SRGAP3: variants seen among roughly 807,000 people sequenced by gnomAD.
The protein encoded by SRGAP3 is SLIT-ROBO Rho GTPase activating protein 3.
SRGAP3 carries 39 observed loss-of-function variants against 121.1 expected under a neutral mutation model. That is an observed-to-expected ratio of 0.32 (90% confidence interval 0.25 to 0.42). The LOEUF is 0.42. Among genes scored for constraint, SRGAP3 ranks in the 10% least tolerant of loss-of-function variants. The probability of loss-of-function intolerance (pLI) is 1.00; values close to 1 mark genes in which losing one functional copy is unlikely to be tolerated. For synonymous variants in SRGAP3, 601 were observed against 570.0 expected (o/e 1.05, Z -0.77); for missense variants, 1,213 against 1,470.6 (o/e 0.82, Z 2.86).
chr3:8,988,920 C>T (rs528202541), intron 21 of SRGAP3, among the ~76,000 whole-genome samples: 79 of 152,156 alleles, frequency 5.2e-4, no homozygotes, highest in Non-Finnish European at 1.0e-3. Flanking sequence ...TGCTGGCTCC[C>T]GCTGCTCACC....
At position 9,249,560 on chromosome 3, in the gene SRGAP3, G is replaced by T. The variant is rs1022076204; in HGVS notation, c.-609C>A. ...TCCCTCCCTTCGGTGCCTCTGGTCTGATGTCCAGTGAGGATCAAAGCCAGG... is the reference window on the plus strand; with the variant it reads ...TCCCTCCCTTCGGTGCCTCTGGTCTTATGTCCAGTGAGGATCAAAGCCAGG... On this transcript the variant is annotated 5_prime_UTR_variant, in exon 1 of 22. Coordinates refer to ENST00000383836, the MANE Select transcript of SRGAP3 (RefSeq NM_014850.4). 4.2e-6 allele frequency: 1 copy of T among 240,366 alleles called. No individual in the cohort carries two copies. 14.9% of individuals were successfully genotyped at this position (240,366 alleles called of 1,614,324 possible).
intron 1 of SRGAP3, among the ~76,000 whole-genome samples, chr3:9,175,876 G>A (rs965648284): frequency 7.2e-5 from 11 of 152,202 alleles, no homozygotes; most frequent in Non-Finnish European, 1.6e-4. Flanking sequence ...ATATCAGACT[G>A]GCAGGGGTTG....
intron 4 of SRGAP3, among the ~76,000 whole-genome samples, chr3:9,066,698 C>T (rs1946450405): frequency 1.3e-5 from 2 of 152,154 alleles, no homozygotes; most frequent in South Asian, 2.1e-4. Flanking sequence ...GGGGTTTCAC[C>T]GTGTTGGTCA....
chr3:9,204,914 G>T (rs937258847), intron 1 of SRGAP3, among the ~76,000 whole-genome samples: 3 of 152,234 alleles, frequency 2.0e-5, no homozygotes, highest in Admixed American at 2.0e-4. Context: ...GTTAAAGGCT[G>T]GACGTTACTG....
At chr3:9,162,735 T>C (rs2668353) in intron 1 of SRGAP3, among the ~76,000 whole-genome samples, 44,837 of 152,016 alleles carry the variant, frequency 0.29, 7,444 homozygotes, top group Non-Finnish European at 0.39. Flanking sequence ...GCAGCATGGC[T>C]GGACCCTGGG....
chr3:9,203,103 G>A (rs1475373237), intron 1 of SRGAP3, among the ~76,000 whole-genome samples: 3 of 152,114 alleles, frequency 2.0e-5, no homozygotes, highest in Admixed American at 6.5e-5. Context: ...TTATTGCACA[G>A]AAGTCTCTGA....
At chr3:9,079,704 G>C (rs766842808) in intron 4 of SRGAP3, among the ~76,000 whole-genome samples, 1 of 152,130 alleles carries the variant, frequency 6.6e-6, no homozygotes. Flanking sequence ...CTGCCTTCAG[G>C]AGCCTTCACA....
chr3:9,231,980 T>C (rs1953227843), intron 1 of SRGAP3, among the ~76,000 whole-genome samples: 1 of 152,170 alleles, frequency 6.6e-6, no homozygotes, highest in Admixed American at 6.5e-5. Flanking sequence ...GGCCACTGCA[T>C]CACGATGGCT....
chr3:9,223,452 T>C (rs940651976), intron 1 of SRGAP3, among the ~76,000 whole-genome samples: 1 of 152,302 alleles, frequency 6.6e-6, no homozygotes, highest in Admixed American at 6.5e-5. Flanking sequence ...CTATGAATCT[T>C]TAGGAAGGGG....
chr3:9,298,151 C>G (rs370693127), intron 3 of SRGAP3, among the ~76,000 whole-genome samples: 42 of 152,242 alleles, frequency 2.8e-4, no homozygotes, highest in East Asian at 9.7e-4. Context: ...TACACTTGAC[C>G]TCAGTTTTCT....
chr3:9,161,023 T>C (rs911719339), intron 1 of SRGAP3, among the ~76,000 whole-genome samples: 2 of 152,152 alleles, frequency 1.3e-5, no homozygotes, highest in Non-Finnish European at 2.9e-5. Flanking sequence ...GAATTCCAAA[T>C]ATAATGGTAG....
At chr3:9,114,573 A>G (rs1948738493) in intron 2 of SRGAP3, among the ~76,000 whole-genome samples, 1 of 152,226 alleles carries the variant, frequency 6.6e-6, no homozygotes, top group Admixed American at 6.5e-5. Flanking sequence ...CTCACACTGC[A>G]GCATGAGGGT....
At chr3:9,050,923 GA>G (rs1945535914) in intron 9 of SRGAP3, among the ~76,000 whole-genome samples, 1 of 149,682 alleles carries the variant, frequency 6.7e-6, no homozygotes. Flanking sequence ...CAAGGGATTT[GA>G]CAAAGGCAGT....
chr3:9,043,773 T>C (rs1236311879), intron 10 of SRGAP3, among the ~76,000 whole-genome samples: 1 of 152,210 alleles, frequency 6.6e-6, no homozygotes, highest in East Asian at 1.9e-4. Flanking sequence ...CATTTTGCTC[T>C]GTGATGGGCA....
Position 9,171,823 on chromosome 3 carries a change from G to A in SRGAP3, c.68-46906C>T, listed in dbSNP as rs527507878. Among the ~76,000 whole-genome samples, 34 of 152,144 alleles carry A rather than the reference G, an allele frequency of 2.2e-4. 1 individual carries two copies. Among genetic ancestry groups the A allele is most frequent in the Admixed American group, 4.6e-4 (7 of 15,294 alleles). On this transcript the variant is annotated intron_variant, in intron 1 of 21. Coordinates refer to ENST00000383836, the MANE Select transcript of SRGAP3 (RefSeq NM_014850.4). ...CTCGGACTGAGTGACTTAAGCAGCC[G>A]AAATGTATTGCCTCGGTTCTGGGGG... is the stretch of plus-strand genomic sequence containing the variant.
intron 3 of SRGAP3, among the ~76,000 whole-genome samples, chr3:9,318,359 C>G (rs1016266953): frequency 1.3e-5 from 2 of 151,846 alleles, no homozygotes; most frequent in South Asian, 2.1e-4. Flanking sequence ...GGGCTCCACA[C>G]AGAAAGCAGG....
Position 9,061,090 on chromosome 3 carries a change from G to T in SRGAP3, c.673-731C>A, listed in dbSNP as rs188214159. 2.0e-5 allele frequency among the ~76,000 whole-genome samples: 3 copies of T among 152,282 alleles called. No homozygotes were observed. The East Asian group carries it at 5.8e-4, about 29-fold the overall frequency. On this transcript the variant is annotated intron_variant, in intron 5 of 21. Transcript: ENST00000383836. ...CTACTAAAAATACAAAAATTAGCTG[G>T]GTGTGGTGGCATGCACCTATAGTCC...
intron 1 of SRGAP3, among the ~76,000 whole-genome samples, chr3:9,230,381 G>T (rs1327875414): frequency 6.6e-6 from 1 of 152,180 alleles, no homozygotes; most frequent in Non-Finnish European, 1.5e-5. Flanking sequence ...CAAACTGGAT[G>T]GGCATGCTCA....
chr3:9,260,595 C>G (rs997540757), intron 3 of SRGAP3, among the ~76,000 whole-genome samples: 2 of 152,236 alleles, frequency 1.3e-5, no homozygotes, highest in Non-Finnish European at 2.9e-5. Flanking sequence ...GACTGCCTCT[C>G]TAGATTCCTC....
Sources: allele counts gnomAD v4.1 joint callset (sites outside exome capture counted in the v4.1 genomes callset), GRCh38; gene constraint gnomAD v4.1.1; transcripts MANE v1.5; gene names NCBI Gene and HGNC (gene_info 2026-07-23, HGNC 2026-07-21).